The following SPIDR variants were observed in gnomAD, a reference collection of about 807,000 sequenced individuals.
The protein encoded by SPIDR is DNA repair-scaffolding protein.
A neutral mutation model predicts 104.6 loss-of-function variants in SPIDR; 93 were observed. The observed-to-expected ratio is 0.89, with a 90% CI of 0.75 to 1.06. The LOEUF (loss-of-function observed/expected upper bound fraction) is 1.06. Among genes scored for constraint, SPIDR ranks in the 50% least tolerant of loss-of-function variants. The pLI, the probability that SPIDR is intolerant of heterozygous loss-of-function variation, is 0.00. For synonymous variants in SPIDR, 431 were observed against 416.9 expected (o/e 1.03, Z -0.41); for missense variants, 1,154 against 1,111.2 (o/e 1.04, Z -0.55).
chr8:47,510,129 G>GT (rs1370611002), intron 8 of SPIDR, among the ~76,000 whole-genome samples: 1 of 151,978 alleles, frequency 6.6e-6, no homozygotes, highest in Admixed American at 6.6e-5. Context: ...CAATGTGGGG[G>GT]TTTTTTTTCC....
chr8:47,558,790 C>A (rs2056693984), intron 8 of SPIDR, among the ~76,000 whole-genome samples: 3 of 152,158 alleles, frequency 2.0e-5, no homozygotes, highest in Admixed American at 2.0e-4. Flanking sequence ...CAGGCGCCCA[C>A]CACCACGCCC....
At chr8:47,396,716 T>C in intron 6 of SPIDR, 90 bp downstream of exon 6, 1 of 1,302,818 alleles carries the variant, frequency 7.7e-7, no homozygotes, top group Non-Finnish European at 1.1e-6. Context: ...AAGATACTTG[T>C]ATATGAAGTC....
intron 8 of SPIDR, among the ~76,000 whole-genome samples, chr8:47,577,880 C>T (rs995593579): frequency 6.6e-6 from 1 of 152,198 alleles, no homozygotes; most frequent in Non-Finnish European, 1.5e-5. Flanking sequence ...TTCAACAAGG[C>T]TGTGATTCTG....
chr8:47,598,584 A>G (rs953077376), intron 9 of SPIDR, among the ~76,000 whole-genome samples: 6 of 152,138 alleles, frequency 3.9e-5, no homozygotes, highest in Non-Finnish European at 5.9e-5. Context: ...TTTTATCTTC[A>G]TTTTTAGTTT....
At chr8:47,620,457 G>A (rs28461535) in intron 10 of SPIDR, among the ~76,000 whole-genome samples, 59 of 151,800 alleles carry the variant, frequency 3.9e-4, no homozygotes, top group Admixed American at 1.1e-3. Context: ...TAGTAGAGAC[G>A]GGTTTTCGCC....
chr8:47,260,928 G>A (rs1238079838), upstream of SPIDR: 12 of 1,224,652 alleles, frequency 9.8e-6, no homozygotes, highest in South Asian at 3.1e-4. Flanking sequence ...GCGCGCTGAG[G>A]AGGCGGTGCG....
chr8:47,687,875 C>T (rs980997535), intron 11 of SPIDR, among the ~76,000 whole-genome samples: 2 of 152,078 alleles, frequency 1.3e-5, no homozygotes, highest in African/African-American at 4.8e-5. Flanking sequence ...CCAGCCTGGG[C>T]AACATAGTGA....
At chr8:47,605,690 T>C (rs1325158503) in intron 10 of SPIDR, among the ~76,000 whole-genome samples, 1 of 152,162 alleles carries the variant, frequency 6.6e-6, no homozygotes, top group Non-Finnish European at 1.5e-5. Flanking sequence ...GGTATTATAA[T>C]ACTATAATGC....
intron 8 of SPIDR, among the ~76,000 whole-genome samples, chr8:47,508,973 T>C (rs2081912949): frequency 6.6e-6 from 1 of 152,102 alleles, no homozygotes; most frequent in African/African-American, 2.4e-5. Flanking sequence ...ATGGAAGTGT[T>C]CTTTCTTAAA....
At chr8:47,704,163 A>G (rs59337594) in intron 14 of SPIDR, among the ~76,000 whole-genome samples, 3,401 of 152,314 alleles carry the variant, frequency 0.022, 127 homozygotes, top group African/African-American at 0.079. Flanking sequence ...GCTTGCCAGC[A>G]CATAGAGTCT....
intron 10 of SPIDR, chr8:47,653,963 T>G: frequency 8.1e-7 from 1 of 1,242,168 alleles, no homozygotes; most frequent in Non-Finnish European, 1.0e-6. Context: ...GAGTTTCAGT[T>G]TGACTTTGAA....
intron 8 of SPIDR, among the ~76,000 whole-genome samples, chr8:47,571,567 TTTAA>T (rs1202062959): frequency 2.0e-5 from 3 of 152,268 alleles, no homozygotes; most frequent in East Asian, 3.9e-4. Flanking sequence ...AAAATGCAAA[TTTAA>T]TTAATATATA....
At chr8:47,298,413 C>A (rs956967236) in intron 5 of SPIDR, among the ~76,000 whole-genome samples, 26 of 152,286 alleles carry the variant, frequency 1.7e-4, no homozygotes, top group African/African-American at 6.3e-4. Flanking sequence ...TTGCTGTTCA[C>A]TCTGATGGTA....
Position 47,422,663 on chromosome 8 carries a change from A to G in SPIDR, c.877+14702A>G, listed in dbSNP as rs145823951. Among the ~76,000 whole-genome samples the G allele has an allele frequency of 4.1e-3, 618 of 152,308 alleles. 5 individuals are homozygous for G. The highest frequency in any genetic ancestry group is 0.014 in the African/African-American group (584 of 41,582). On this transcript the variant is annotated intron_variant, in intron 7 of 19. Coordinates refer to ENST00000297423, the MANE Select transcript of SPIDR (RefSeq NM_001080394.4). Reference sequence around the variant, plus strand: ...CCCAGTGAGGTGAACCCGGTACCTCAGTTGGAAATGCAGAAATCATATGTC... The same window carrying G: ...CCCAGTGAGGTGAACCCGGTACCTCGGTTGGAAATGCAGAAATCATATGTC...
At chr8:47,714,933 T>C (rs1217178315) in intron 16 of SPIDR, among the ~76,000 whole-genome samples, 6 of 152,216 alleles carry the variant, frequency 3.9e-5, no homozygotes, top group African/African-American at 1.4e-4. Context: ...TATGGACTTT[T>C]TAAACAACTT....
chr8:47,452,627 A>G (rs1486000246), intron 8 of SPIDR, among the ~76,000 whole-genome samples: 3 of 152,226 alleles, frequency 2.0e-5, no homozygotes, highest in Non-Finnish European at 4.4e-5. Flanking sequence ...CATTATCTCA[A>G]TAGATGCAGA....
chr8:47,299,782 T>C (rs1301230525), intron 5 of SPIDR, among the ~76,000 whole-genome samples: 1 of 152,246 alleles, frequency 6.6e-6, no homozygotes, highest in Non-Finnish European at 1.5e-5. Flanking sequence ...GAACCAGCCT[T>C]GCATCCCAGG....
At chr8:47,693,505 C>T (rs1057106629) in intron 11 of SPIDR, among the ~76,000 whole-genome samples, 1 of 152,194 alleles carries the variant, frequency 6.6e-6, no homozygotes, top group Non-Finnish European at 1.5e-5. Context: ...ATTGAAGAGT[C>T]CTGCCGGCCC....
At chr8:47,282,980 C>T (rs1554560002) in intron 2 of SPIDR, among the ~76,000 whole-genome samples, 1,668 of 152,064 alleles carry the variant, frequency 0.011, 13 homozygotes, top group Non-Finnish European at 0.019. Flanking sequence ...CTCAGCCTCC[C>T]GAGTAGCTGG....
Sources: allele counts gnomAD v4.1 joint callset (sites outside exome capture counted in the v4.1 genomes callset), GRCh38; gene constraint gnomAD v4.1.1; transcripts MANE v1.5; gene names NCBI Gene and HGNC (gene_info 2026-07-23, HGNC 2026-07-21).